Variants in UBE2D2 observed in about 807,000 individuals in gnomAD.
The protein encoded by UBE2D2 is ubiquitin-conjugating enzyme E2 D2.
In UBE2D2, 2 loss-of-function variants were observed where a neutral mutation model predicts 24.2. That is an observed-to-expected ratio of 0.08 (90% CI 0.03 to 0.26). The LOEUF is 0.26. Ranked by LOEUF, UBE2D2 falls within the 10% of genes least tolerant of loss-of-function variation. The pLI, the probability that UBE2D2 is intolerant of heterozygous loss-of-function variation, is 1.00. For missense variants in UBE2D2, 44 were observed against 177.6 expected (o/e 0.25, Z 4.28); for synonymous variants, 58 against 56.5 (o/e 1.03, Z -0.12).
intron 1 of UBE2D2, among the ~76,000 whole-genome samples, chr5:139,553,332 T>C (rs1460564083): frequency 6.6e-6 from 1 of 152,168 alleles, no homozygotes; most frequent in Non-Finnish European, 1.5e-5. Context: ...GATCCGGAAA[T>C]AGGGAGTTCC....
At chr5:139,586,367 G>A (rs1753724712) in intron 1 of UBE2D2, among the ~76,000 whole-genome samples, 1 of 152,108 alleles carries the variant, frequency 6.6e-6, no homozygotes, top group Admixed American at 6.6e-5. Context: ...TTACTTAACA[G>A]TGATAGACCT....
chr5:139,542,540 C>G (rs967829054), intron 1 of UBE2D2, among the ~76,000 whole-genome samples: 1 of 152,076 alleles, frequency 6.6e-6, no homozygotes, highest in Non-Finnish European at 1.5e-5. Context: ...AGGCTGGTCT[C>G]AAACCCCTGA....
At chr5:139,618,605 G>A (rs1340175123) in intron 5 of UBE2D2, among the ~76,000 whole-genome samples, 1 of 152,118 alleles carries the variant, frequency 6.6e-6, no homozygotes, top group Admixed American at 6.6e-5. Flanking sequence ...GTTTGGTGGG[G>A]TGAGGTGTTG....
intron 1 of UBE2D2, among the ~76,000 whole-genome samples, chr5:139,548,184 T>TAAAAAAAAAAAAAAAAAA (rs1420608616): frequency 2.1e-5 from 1 of 46,882 alleles, no homozygotes; most frequent in Non-Finnish European, 3.5e-5. Context: ...AAAAAAAAAA[T>TAAAAAAAAAAAAAAAAAA]AAAAAAAAAA....
At chr5:139,587,959 G>T (rs1041451848) in intron 1 of UBE2D2, among the ~76,000 whole-genome samples, 2 of 152,112 alleles carry the variant, frequency 1.3e-5, no homozygotes, top group African/African-American at 4.8e-5. Context: ...GTATTTAAAG[G>T]TGGACGCGGT....
chr5:139,597,718 G>A (rs973114476), intron 1 of UBE2D2, among the ~76,000 whole-genome samples: 1 of 152,196 alleles, frequency 6.6e-6, no homozygotes, highest in African/African-American at 2.4e-5. Flanking sequence ...AATAAAGCCA[G>A]GTGTTCTTAG....
At chr5:139,573,413 T>C (rs998811942) in intron 1 of UBE2D2, among the ~76,000 whole-genome samples, 1 of 152,136 alleles carries the variant, frequency 6.6e-6, no homozygotes, top group African/African-American at 2.4e-5. Context: ...GTCATCCTCA[T>C]CAGGTACTCC....
upstream of UBE2D2, among the ~76,000 whole-genome samples, chr5:139,560,369 T>C (rs952028313): frequency 6.6e-6 from 1 of 152,150 alleles, no homozygotes; most frequent in Non-Finnish European, 1.5e-5. Context: ...GGGTAATTTT[T>C]GTATATTTAG....
At chr5:139,549,666 G>C (rs929185128) in intron 1 of UBE2D2, among the ~76,000 whole-genome samples, 1 of 152,320 alleles carries the variant, frequency 6.6e-6, no homozygotes, top group African/African-American at 2.4e-5. Flanking sequence ...ACTCCCCGAC[G>C]GGGCGCCACC....
At chr5:139,564,497 AG>A (rs1753177030) in intron 1 of UBE2D2, among the ~76,000 whole-genome samples, 1 of 150,640 alleles carries the variant, frequency 6.6e-6, no homozygotes, top group African/African-American at 2.4e-5. Context: ...TCTGTCGCCC[AG>A]GCTGGAGTGC....
At chr5:139,583,926 C>T (rs758001787) in intron 1 of UBE2D2, among the ~76,000 whole-genome samples, 1 of 152,118 alleles carries the variant, frequency 6.6e-6, no homozygotes. Context: ...CAGAAAATTC[C>T]TGTTGCCTAG....
At chr5:139,560,337 A>G (rs1304441511), upstream of UBE2D2, among the ~76,000 whole-genome samples, 2 of 151,942 alleles carry the variant, frequency 1.3e-5, no homozygotes, top group Non-Finnish European at 2.9e-5. Context: ...AGCTGGGACT[A>G]CAGGCGCCTG....
At chr5:139,562,161 C>G (rs1004239193) in intron 1 of UBE2D2, 4 of 1,333,356 alleles carry the variant, frequency 3.0e-6, no homozygotes, top group Non-Finnish European at 3.9e-6. Context: ...GAGGGGGGCG[C>G]TGGGGCGTTG....
At chr5:139,606,545 A>G (rs887607522) in intron 2 of UBE2D2, among the ~76,000 whole-genome samples, 4 of 152,174 alleles carry the variant, frequency 2.6e-5, no homozygotes, top group Non-Finnish European at 5.9e-5. Flanking sequence ...ACTCTCATAA[A>G]ACAGATTATG....
intron 1 of UBE2D2, among the ~76,000 whole-genome samples, chr5:139,590,560 G>C (rs1273877358): frequency 6.6e-6 from 1 of 151,614 alleles, no homozygotes; most frequent in East Asian, 1.9e-4. Context: ...GCCATGTAAC[G>C]CTATCTAAAT....
chr5:139,585,768 A>G (rs1753714350), intron 1 of UBE2D2, among the ~76,000 whole-genome samples: 1 of 151,984 alleles, frequency 6.6e-6, no homozygotes, highest in Non-Finnish European at 1.5e-5. Flanking sequence ...TTAAAGGGGT[A>G]GAGAAGAGTT....
intron 1 of UBE2D2, among the ~76,000 whole-genome samples, chr5:139,567,692 C>T (rs1753261173): frequency 6.6e-6 from 1 of 151,804 alleles, no homozygotes; most frequent in Non-Finnish European, 1.5e-5. Flanking sequence ...CACCCCCATG[C>T]CCAGCTACTT....
chr5:139,613,293 A>G (rs1006576732), intron 2 of UBE2D2, among the ~76,000 whole-genome samples: 3 of 152,156 alleles, frequency 2.0e-5, no homozygotes, highest in African/African-American at 7.2e-5. Flanking sequence ...TGTTTCTTCT[A>G]CCTTGTGACA....
At chr5:139,541,507 G>A (rs939253448) in intron 1 of UBE2D2, among the ~76,000 whole-genome samples, 1 of 149,996 alleles carries the variant, frequency 6.7e-6, no homozygotes, top group Non-Finnish European at 1.5e-5. Flanking sequence ...GGCTGAGGCA[G>A]GAGAATTGCT....
Sources: gnomAD v4.1 joint callset for allele counts (sites outside exome capture counted in the v4.1 genomes callset) on GRCh38, gnomAD v4.1.1 for gene constraint, MANE v1.5 for transcripts, NCBI Gene and HGNC (gene_info 2026-07-23, HGNC 2026-07-21) for gene names.